Variants in LY75 observed in about 807,000 individuals in gnomAD.
LY75 encodes the protein C-type lectin domain family 13 member B.
A neutral mutation model predicts 231.7 loss-of-function variants in LY75; 185 were observed. The ratio of observed to expected loss-of-function variants is 0.80; its 90% CI spans 0.71 to 0.90. The LOEUF (loss-of-function observed/expected upper bound fraction) is 0.90, where lower values mean the gene tolerates loss of function less well. LY75 is among the 40% of genes least tolerant of loss of function. The probability of loss-of-function intolerance (pLI) is 0.00; values close to 1 mark genes in which losing one functional copy is unlikely to be tolerated. For missense variants in LY75, 1,947 were observed against 2,050.2 expected, an observed-to-expected ratio of 0.95 and a Z score of 0.97; for synonymous variants, 668 against 689.0, an observed-to-expected ratio of 0.97 and a Z score of 0.48.
At chr2:159,875,752 A>T (rs1685248115) in intron 11 of LY75, 109 bp from the exon 12 acceptor site, 1 of 1,322,476 alleles carries the variant, frequency 7.6e-7, no homozygotes, top group Non-Finnish European at 1.0e-6. Flanking sequence ...GAATAAAAAA[A>T]AAATGGAACA....
Position 159,840,811 on chromosome 2 carries a change from G to C in LY75, c.3425C>G (p.Thr1142Arg). 6.2e-7 allele frequency: 1 copy of C among 1,614,084 alleles called. No homozygotes were observed. The highest frequency in any genetic ancestry group is 8.5e-7 in the Non-Finnish European group (1 of 1,179,992). ...GAGGAATGCCTGCTGGTAAGGGTCC[G>C]TGATGCTCACCAGCTGCATGTTACT... The part of the protein sequence containing the change: ...LKSNMQLVSI[T>R]DPYQQAFLSV... Residue 1142 changes from threonine (T) to arginine (R), a missense_variant, in exon 25 of 35, where the codon ACG becomes AGG. Physicochemically the swap from Thr to Arg is moderately conservative, Grantham distance 71. Transcript: ENST00000263636.
At chr2:159,889,547 T>A (rs1352945243) in intron 4 of LY75, among the ~76,000 whole-genome samples, 2 of 152,290 alleles carry the variant, frequency 1.3e-5, no homozygotes, top group Non-Finnish European at 2.9e-5. Context: ...TTAATGAATC[T>A]ATGATTCAAT....
chr2:159,818,822 G>T (rs1181328352), intron 29 of LY75, among the ~76,000 whole-genome samples: 1 of 151,568 alleles, frequency 6.6e-6, no homozygotes, highest in Non-Finnish European at 1.5e-5. Context: ...AAGAAAGAAA[G>T]AAATTGGAAA....
chr2:159,807,502 C>T (rs1019510684), intron 33 of LY75, among the ~76,000 whole-genome samples: 1 of 152,114 alleles, frequency 6.6e-6, no homozygotes, highest in African/African-American at 2.4e-5. Flanking sequence ...CATATCCTTC[C>T]CCTACTCTAA....
In LY75 at chr2:159,804,959, G is replaced by T; in HGVS notation, c.*85C>A. ...AAGTATTTAAGAGTTCTACTTTGGA[G>T]CAGAGTAAATACTGACACTGGGACA... On this transcript the variant is annotated 3_prime_UTR_variant, in exon 35 of 35. Coordinates refer to ENST00000263636, the MANE Select transcript of LY75 (RefSeq NM_002349.4). 4 of 1,030,732 alleles carry T rather than the reference G, an allele frequency of 3.9e-6. No homozygotes were observed. Among genetic ancestry groups the T allele is most frequent in the East Asian group, 2.5e-5 (1 of 39,858 alleles). The allele number at this position is 1,030,732 out of a possible 1,614,324, so 63.8% of individuals were successfully genotyped here. A position where few individuals can be genotyped will look rare whatever the true frequency, so the allele number is the denominator to read the frequency against.
intron 14 of LY75, among the ~76,000 whole-genome samples, chr2:159,863,076 C>T (rs1373714236): frequency 6.7e-6 from 1 of 150,238 alleles, no homozygotes; most frequent in African/African-American, 2.4e-5. Context: ...CTTTCTGTGC[C>T]TGGCTTCTTT....
At chr2:159,833,601 A>G (rs1683731056) in intron 27 of LY75, among the ~76,000 whole-genome samples, 1 of 152,222 alleles carries the variant, frequency 6.6e-6, no homozygotes, top group Non-Finnish European at 1.5e-5. Context: ...TACTAGTGCT[A>G]ATTAGAAATA....
chr2:159,826,368 A>G (rs999233071), intron 28 of LY75, among the ~76,000 whole-genome samples: 2 of 152,212 alleles, frequency 1.3e-5, no homozygotes, highest in Non-Finnish European at 2.9e-5. Context: ...TGTTACAAAG[A>G]GAATAAAATA....
chr2:159,837,842 G>A (rs1225215994), intron 25 of LY75, among the ~76,000 whole-genome samples: 4 of 152,098 alleles, frequency 2.6e-5, no homozygotes, highest in South Asian at 2.1e-4. Flanking sequence ...GGACTTGGTC[G>A]CCTTGCTCCT....
Position 159,875,491 on chromosome 2 carries a change from AG to A in LY75, c.1926del (p.Cys643ValfsTer24). 1 of 1,614,080 alleles carries A rather than the reference AG, an allele frequency of 6.2e-7. No homozygotes were observed. ...PEEASPKPDD[P>X]CPEGWQSFPA... ...GGGAAACTCTGCCAGCCTTCAGGAC[AG>A]GGGTCATCAGGCTTAGGGGATGCTT... On this transcript the variant is annotated frameshift_variant, in exon 12 of 35. Transcript: ENST00000263636. LOFTEE classifies it high-confidence loss of function.
At chr2:159,853,002 T>G (rs1233385201) in intron 20 of LY75, among the ~76,000 whole-genome samples, 2 of 152,206 alleles carry the variant, frequency 1.3e-5, no homozygotes, top group Non-Finnish European at 2.9e-5. Flanking sequence ...GCTGCCTGCT[T>G]ATCTTTGAAA....
At chr2:159,892,237 C>T (rs1269241388) in intron 3 of LY75, among the ~76,000 whole-genome samples, 1 of 152,190 alleles carries the variant, frequency 6.6e-6, no homozygotes. Flanking sequence ...CCAAGCTCTC[C>T]AAGAGCTTCT....
intron 6 of LY75, 68 bp from the exon 7 acceptor site, chr2:159,882,383 T>C: frequency 6.5e-7 from 1 of 1,537,920 alleles, no homozygotes; most frequent in Non-Finnish European, 8.7e-7. Context: ...ACATTGCAAA[T>C]TCTTTTTTCT....
At chr2:159,839,851 C>G (rs1683948737) in intron 25 of LY75, among the ~76,000 whole-genome samples, 2 of 151,754 alleles carry the variant, frequency 1.3e-5, no homozygotes, top group Non-Finnish European at 2.9e-5. Context: ...ATTACAAATA[C>G]AAAAATTAGC....
chr2:159,877,333 G>T (rs1192221286), intron 11 of LY75, among the ~76,000 whole-genome samples: 1 of 152,166 alleles, frequency 6.6e-6, no homozygotes, highest in African/African-American at 2.4e-5. Context: ...ATAATTCACA[G>T]GGTGAAAAGT....
chr2:159,837,469 T>G (rs1361416719), intron 25 of LY75, among the ~76,000 whole-genome samples: 1 of 152,158 alleles, frequency 6.6e-6, no homozygotes, highest in Non-Finnish European at 1.5e-5. Context: ...AAGATGGGCA[T>G]GATATTGTCT....
At chr2:159,860,488 A>G (rs1415182937) in intron 15 of LY75, among the ~76,000 whole-genome samples, 8 of 152,132 alleles carry the variant, frequency 5.3e-5, no homozygotes, top group Non-Finnish European at 2.9e-5. Flanking sequence ...TAGAAACTCT[A>G]TCCATCCTTA....
chr2:159,815,719 G>A, intron 30 of LY75, 146 bp from the exon 31 acceptor site: 1 of 994,076 alleles, frequency 1.0e-6, no homozygotes, highest in South Asian at 1.9e-5. Flanking sequence ...TACTATTATT[G>A]TAGGTCTGAT....
intron 16 of LY75, among the ~76,000 whole-genome samples, chr2:159,856,780 TA>T (rs1449012312): frequency 6.6e-6 from 1 of 151,986 alleles, no homozygotes; most frequent in Admixed American, 6.6e-5. Context: ...TCTCTCTTGT[TA>T]AAAAATATAT....
Sources: allele counts gnomAD v4.1 joint callset (sites outside exome capture counted in the v4.1 genomes callset), GRCh38; gene constraint gnomAD v4.1.1; transcripts MANE v1.5; gene names NCBI Gene and HGNC (gene_info 2026-07-23, HGNC 2026-07-21).